Variants in KALRN observed in about 807,000 individuals in gnomAD.
KALRN encodes kalirin.
KALRN carries 70 observed loss-of-function variants against 353.7 expected under a neutral mutation model. The observed-to-expected ratio is 0.20, with a 90% confidence interval of 0.16 to 0.24. The LOEUF (loss-of-function observed/expected upper bound fraction) is 0.24. KALRN is among the 10% of genes least tolerant of loss of function. The pLI is 1.00. For missense variants in KALRN, 2,791 were observed against 3,756.7 expected, an observed-to-expected ratio of 0.74 and a Z score of 6.72; for synonymous variants, 1,391 against 1,434.8, an observed-to-expected ratio of 0.97 and a Z score of 0.69.
chr3:124,318,873 A>G (rs1580896129), intron 6 of KALRN, among the ~76,000 whole-genome samples: 1 of 152,298 alleles, frequency 6.6e-6, no homozygotes, highest in East Asian at 1.9e-4. Context: ...CGCTTGACTG[A>G]TATCACACAC....
At chr3:124,633,619 T>C (rs2081027159) in intron 35 of KALRN, among the ~76,000 whole-genome samples, 1 of 120,402 alleles carries the variant, frequency 8.3e-6, no homozygotes, top group South Asian at 2.5e-4. Context: ...TAGTTTCTGG[T>C]TTTGCTTCTT....
rs143232489 is a variant in KALRN, at chr3:124,318,903, T to A, written c.1093-7077T>A. The stretch of plus-strand genomic sequence containing the variant: ...ACACACATTAGGTAGATATAAGCAA[T>A]GGCTGGGTTCCTTTTTTTATTTCCT... On this transcript the variant is annotated intron_variant, in intron 6 of 59. Transcript: ENST00000682506. Among the ~76,000 whole-genome samples the A allele has an allele frequency of 3.3e-5, 5 of 152,282 alleles. No homozygotes were observed. The East Asian group carries it at 7.7e-4, about 23-fold the overall frequency.
At chr3:124,476,643 G>A (rs716113) in intron 26 of KALRN, among the ~76,000 whole-genome samples, 31 of 152,196 alleles carry the variant, frequency 2.0e-4, no homozygotes, top group African/African-American at 4.6e-4. Context: ...TCACCCAGCC[G>A]TAAGGTTCTT....
intron 1 of KALRN, among the ~76,000 whole-genome samples, chr3:124,044,076 G>A (rs1253592990): frequency 6.6e-6 from 1 of 152,242 alleles, no homozygotes; most frequent in Non-Finnish European, 1.5e-5. Flanking sequence ...TCATGAATGA[G>A]CCCCTTGCTC....
At chr3:124,506,257 A>AT (rs1231508808) in intron 33 of KALRN, among the ~76,000 whole-genome samples, 6 of 152,178 alleles carry the variant, frequency 3.9e-5, no homozygotes, top group African/African-American at 1.4e-4. Context: ...TCAGACCAGG[A>AT]CAGATGTCCA....
intron 6 of KALRN, among the ~76,000 whole-genome samples, chr3:124,311,215 T>C (rs1221038982): frequency 6.6e-6 from 1 of 151,662 alleles, no homozygotes; most frequent in Non-Finnish European, 1.5e-5. Flanking sequence ...ATCGCAGCAC[T>C]TTGGGAGGCC....
chr3:124,245,002 C>A (rs13065536), intron 3 of KALRN, among the ~76,000 whole-genome samples: 51,153 of 151,058 alleles, frequency 0.34, 9,927 homozygotes, highest in East Asian at 0.67. Flanking sequence ...GGAAACATTC[C>A]AAATCTTCTC....
chr3:124,654,845 T>A (rs1183088824), intron 38 of KALRN, among the ~76,000 whole-genome samples: 1 of 152,206 alleles, frequency 6.6e-6, no homozygotes, highest in Non-Finnish European at 1.5e-5. Context: ...ATACCTACCT[T>A]ATTATAAGCA....
At chr3:124,264,352 A>G (rs1461790251) in intron 3 of KALRN, 146 bp from the exon 4 acceptor site, 7 of 645,860 alleles carry the variant, frequency 1.1e-5, no homozygotes, top group African/African-American at 1.8e-5. Context: ...GTTTGAGCTG[A>G]GTTTGAAGGT....
chr3:124,647,023 A>G (rs180915761), intron 37 of KALRN, among the ~76,000 whole-genome samples: 1 of 151,926 alleles, frequency 6.6e-6, no homozygotes, highest in African/African-American at 2.4e-5. Flanking sequence ...CCCTTCCATC[A>G]TTGGTCTTAG....
At chr3:124,644,310 A>T (rs902757044) in intron 37 of KALRN, among the ~76,000 whole-genome samples, 1 of 151,978 alleles carries the variant, frequency 6.6e-6, no homozygotes, top group African/African-American at 2.4e-5. Flanking sequence ...GTGTTGTGGC[A>T]AATGGCAGGA....
intron 11 of KALRN, among the ~76,000 whole-genome samples, chr3:124,388,406 A>G (rs911568372): frequency 3.3e-5 from 5 of 152,034 alleles, no homozygotes; most frequent in Non-Finnish European, 7.4e-5. Context: ...CACTGTATAT[A>G]CCTCACACTG....
intron 1 of KALRN, among the ~76,000 whole-genome samples, chr3:124,043,504 T>C (rs1471850305): frequency 1.3e-5 from 2 of 152,086 alleles, no homozygotes; most frequent in African/African-American, 4.8e-5. Context: ...AGGAGGATGC[T>C]TCTTTCTTGG....
At chr3:124,403,030 T>C (rs2091064746) in intron 13 of KALRN, among the ~76,000 whole-genome samples, 1 of 152,216 alleles carries the variant, frequency 6.6e-6, no homozygotes, top group South Asian at 2.1e-4. Flanking sequence ...GATAAATCTA[T>C]TTAACTGGAC....
At chr3:124,490,389 G>C (rs2063023295) in intron 29 of KALRN, among the ~76,000 whole-genome samples, 1 of 152,192 alleles carries the variant, frequency 6.6e-6, no homozygotes, top group South Asian at 2.1e-4. Flanking sequence ...ATTTGCCCTT[G>C]CAGGAGGCCA....
At chr3:124,118,812 G>A (rs1405893148) in intron 1 of KALRN, among the ~76,000 whole-genome samples, 1 of 152,214 alleles carries the variant, frequency 6.6e-6, no homozygotes, top group African/African-American at 2.4e-5. Flanking sequence ...CTGGCAGGTA[G>A]TTGTCATTCT....
rs150655659 is a variant in KALRN, at chr3:124,087,119, T to C, written c.73+53306T>C. On this transcript the variant is annotated intron_variant, in intron 1 of 59. Coordinates refer to ENST00000682506, the MANE Select transcript of KALRN (RefSeq NM_001388419.1). ...CTTTATGCCCCTTCATGCATTTTAGTGGATACCTAAACATTTTTTTACCAT... is the reference window on the plus strand; with the variant it reads ...CTTTATGCCCCTTCATGCATTTTAGCGGATACCTAAACATTTTTTTACCAT... 6.6e-3 allele frequency among the ~76,000 whole-genome samples: 1,010 copies of C among 152,304 alleles called. 11 individuals carry two copies. The highest frequency in any genetic ancestry group is 0.023 in the African/African-American group (955 of 41,558).
chr3:124,484,758 G>T (rs1218685353), intron 28 of KALRN, among the ~76,000 whole-genome samples: 1 of 152,180 alleles, frequency 6.6e-6, no homozygotes, highest in African/African-American at 2.4e-5. Context: ...CCCAGATTTT[G>T]TGTGTAATTA....
At chr3:124,226,972 A>G (rs1322454334) in intron 1 of KALRN, among the ~76,000 whole-genome samples, 1 of 152,156 alleles carries the variant, frequency 6.6e-6, no homozygotes, top group Non-Finnish European at 1.5e-5. Context: ...GACCCCAGTT[A>G]TAGCTCGAAT....
Sources: gnomAD v4.1 joint callset for allele counts (sites outside exome capture counted in the v4.1 genomes callset) on GRCh38, gnomAD v4.1.1 for gene constraint, MANE v1.5 for transcripts, NCBI Gene and HGNC (gene_info 2026-07-23, HGNC 2026-07-21) for gene names.